The following CNTN5 variants were observed in gnomAD, a reference collection of about 807,000 sequenced individuals.
CNTN5 encodes contactin-5.
A neutral mutation model predicts 129.1 loss-of-function variants in CNTN5; 77 were observed. The observed-to-expected ratio is 0.60, with a 90% CI of 0.50 to 0.72. The LOEUF is 0.72. Ranked by LOEUF, CNTN5 falls within the 30% of genes least tolerant of loss-of-function variation. The pLI is 0.00. For synonymous variants in CNTN5, 509 were observed against 465.6 expected (o/e 1.09, Z -1.20); for missense variants, 1,478 against 1,328.8 (o/e 1.11, Z -1.75).
chr11:99,893,289 C>T (rs529432752), intron 6 of CNTN5, among the ~76,000 whole-genome samples: 1 of 152,252 alleles, frequency 6.6e-6, no homozygotes, highest in East Asian at 1.9e-4. Flanking sequence ...TAAAAAAGCA[C>T]ATGTTCTTAT....
At chr11:99,418,664 A>G (rs949051217) in intron 2 of CNTN5, among the ~76,000 whole-genome samples, 2 of 152,140 alleles carry the variant, frequency 1.3e-5, no homozygotes, top group African/African-American at 4.8e-5. Context: ...CATTAAAAAG[A>G]CTTGTTTGGG....
chr11:99,886,991 C>T (rs1022193475), intron 6 of CNTN5, among the ~76,000 whole-genome samples: 7 of 151,908 alleles, frequency 4.6e-5, no homozygotes, highest in African/African-American at 9.7e-5. Context: ...TACAAAAGAC[C>T]GATTATACTA....
chr11:100,043,894 T>C (rs984708870), intron 9 of CNTN5, among the ~76,000 whole-genome samples: 1 of 152,182 alleles, frequency 6.6e-6, no homozygotes, highest in Non-Finnish European at 1.5e-5. Context: ...CACTTTGTTT[T>C]TTATTTTTAT....
intron 2 of CNTN5, among the ~76,000 whole-genome samples, chr11:99,378,022 T>G (rs1433064047): frequency 6.6e-6 from 1 of 152,178 alleles, no homozygotes; most frequent in Admixed American, 6.5e-5. Context: ...GGTTTAAAGA[T>G]AATTTTAGGG....
chr11:99,088,048 C>G (rs565339140), intron 1 of CNTN5, among the ~76,000 whole-genome samples: 10 of 152,200 alleles, frequency 6.6e-5, no homozygotes, highest in African/African-American at 1.9e-4. Flanking sequence ...ATGTAAATAG[C>G]CTTTTTGGAG....
At chr11:99,076,990 T>C (rs1565298351) in intron 1 of CNTN5, among the ~76,000 whole-genome samples, 1 of 152,212 alleles carries the variant, frequency 6.6e-6, no homozygotes, top group Non-Finnish European at 1.5e-5. Flanking sequence ...TTACTGATTA[T>C]AATTGAGTAA....
At chr11:99,829,227 G>T (rs906984662) in intron 4 of CNTN5, among the ~76,000 whole-genome samples, 3 of 152,134 alleles carry the variant, frequency 2.0e-5, no homozygotes, top group Admixed American at 2.0e-4. Context: ...TTGGATAGAG[G>T]TTAATCTCAT....
chr11:99,653,500 A>G (rs1440136311), intron 3 of CNTN5, among the ~76,000 whole-genome samples: 1 of 152,004 alleles, frequency 6.6e-6, no homozygotes, highest in African/African-American at 2.4e-5. Flanking sequence ...GAATTACCAT[A>G]TTTAAAGAAA....
chr11:99,678,563 G>C (rs1014314651), intron 3 of CNTN5, among the ~76,000 whole-genome samples: 9 of 152,012 alleles, frequency 5.9e-5, no homozygotes, highest in African/African-American at 2.2e-4. Flanking sequence ...ACTCTAAACA[G>C]AAAATTACAC....
At position 100,029,320 on chromosome 11, in the gene CNTN5, C is replaced by T. The variant is rs530377201; in HGVS notation, c.980+27184C>T. 7.9e-5 allele frequency among the ~76,000 whole-genome samples: 12 copies of T among 152,270 alleles called. 1 individual carries two copies. The South Asian group carries it at 8.3e-4, about 11-fold the overall frequency. On this transcript the variant is annotated intron_variant, in intron 9 of 24. Coordinates refer to ENST00000524871, the MANE Select transcript of CNTN5 (RefSeq NM_014361.4). ...CTAATTGGCCGGGCGCGGTGGCTCA[C>T]GCCTGTAATCCCAGCACTTTGGGAG...
At chr11:99,995,683 C>T (rs976664440) in intron 8 of CNTN5, among the ~76,000 whole-genome samples, 1 of 152,126 alleles carries the variant, frequency 6.6e-6, no homozygotes, top group Non-Finnish European at 1.5e-5. Context: ...AACATAGACA[C>T]CCCCAAACAC....
chr11:99,154,011 T>A (rs943302612), intron 1 of CNTN5, among the ~76,000 whole-genome samples: 4 of 152,210 alleles, frequency 2.6e-5, no homozygotes, highest in African/African-American at 9.6e-5. Flanking sequence ...AGGTTAGGAA[T>A]CTGTTGCATT....
intron 3 of CNTN5, among the ~76,000 whole-genome samples, chr11:99,648,239 T>C (rs759670088): frequency 6.6e-6 from 1 of 151,984 alleles, no homozygotes; most frequent in Non-Finnish European, 1.5e-5. Context: ...TTGATTTGCA[T>C]ATCATGAACT....
Position 100,163,058 on chromosome 11 carries a change from AAAC to A in CNTN5, c.1581-28063_1581-28061del, listed in dbSNP as rs71465311. Reference sequence around the variant, plus strand: ...ATGTGTTAGAGTATATTAAGTTTTAAAACAACATTATTTTTAGAGTACTTGGCA... The same window carrying A: ...ATGTGTTAGAGTATATTAAGTTTTAAAACATTATTTTTAGAGTACTTGGCA... On this transcript the variant is annotated intron_variant, in intron 13 of 24. Coordinates refer to ENST00000524871, the MANE Select transcript of CNTN5 (RefSeq NM_014361.4). Among the ~76,000 whole-genome samples the A allele has an allele frequency of 5.2e-3, 788 of 151,936 alleles. 6 individuals are homozygous for A. The highest frequency in any genetic ancestry group is 0.015 in the African/African-American group (622 of 41,498).
intron 4 of CNTN5, among the ~76,000 whole-genome samples, chr11:99,844,026 A>G (rs187359947): frequency 4.4e-4 from 67 of 152,332 alleles, no homozygotes; most frequent in African/African-American, 1.6e-3. Context: ...CTCAAGTCCA[A>G]GTTGACATTT....
chr11:100,258,703 T>C (rs1182744876), intron 17 of CNTN5, among the ~76,000 whole-genome samples: 2 of 152,144 alleles, frequency 1.3e-5, no homozygotes, highest in Non-Finnish European at 2.9e-5. Context: ...CTAAGCTTTA[T>C]AAGCAAAGGA....
intron 2 of CNTN5, among the ~76,000 whole-genome samples, chr11:99,412,209 T>C (rs567919937): frequency 6.6e-6 from 1 of 152,294 alleles, no homozygotes; most frequent in East Asian, 1.9e-4. Context: ...TTATAGAATA[T>C]TGTAGTATAA....
intron 2 of CNTN5, among the ~76,000 whole-genome samples, chr11:99,463,612 T>C (rs1944819809): frequency 6.6e-6 from 1 of 152,060 alleles, no homozygotes. Context: ...GTAATGAGCA[T>C]AGAGAATCTG....
chr11:100,055,842 T>TTC (rs144734838), intron 9 of CNTN5, among the ~76,000 whole-genome samples: 4 of 150,456 alleles, frequency 2.7e-5, no homozygotes, highest in African/African-American at 7.3e-5. Context: ...TTACATAGTC[T>TTC]TCTCTCTCTC....
Sources: gnomAD v4.1 joint callset for allele counts (sites outside exome capture counted in the v4.1 genomes callset) on GRCh38, gnomAD v4.1.1 for gene constraint, MANE v1.5 for transcripts, NCBI Gene and HGNC (gene_info 2026-07-23, HGNC 2026-07-21) for gene names.